Variants in STAB2 observed in about 807,000 individuals in gnomAD.
STAB2 encodes the protein stabilin-2.
A neutral mutation model predicts 338.1 loss-of-function variants in STAB2; 288 were observed. That is an observed-to-expected ratio of 0.85 (90% CI 0.77 to 0.94). STAB2 has a LOEUF of 0.94. Ranked by LOEUF, STAB2 falls within the 40% of genes least tolerant of loss-of-function variation. The probability of loss-of-function intolerance (pLI) is 0.00; values close to 1 mark genes in which losing one functional copy is unlikely to be tolerated. For synonymous variants in STAB2, 1,202 were observed against 1,193.3 expected (o/e 1.01, Z -0.15); for missense variants, 3,141 against 3,210.1 (o/e 0.98, Z 0.52).
At chr12:103,669,709 C>T in intron 21 of STAB2, 82 bp downstream of exon 21, 1 of 1,231,394 alleles carries the variant, frequency 8.1e-7, no homozygotes, top group Non-Finnish European at 1.2e-6. Context: ...GATATAATGC[C>T]AGCTACTCTT....
intron 24 of STAB2, 77 bp from the exon 25 acceptor site, chr12:103,677,376 G>A (rs932110448): frequency 3.0e-4 from 444 of 1,494,690 alleles, no homozygotes; most frequent in Non-Finnish European, 3.7e-4. Flanking sequence ...CATATGTCTG[G>A]AAATTCTCTC....
chr12:103,598,731 C>A (rs1289252932), intron 3 of STAB2, among the ~76,000 whole-genome samples: 1 of 152,116 alleles, frequency 6.6e-6, no homozygotes, highest in Admixed American at 6.6e-5. Flanking sequence ...ATTCCTCATA[C>A]CCCCACATTC....
intron 44 of STAB2, among the ~76,000 whole-genome samples, chr12:103,718,710 G>A (rs547354256): frequency 6.6e-6 from 1 of 152,322 alleles, no homozygotes; most frequent in South Asian, 2.1e-4. Context: ...GTTTTGAGAA[G>A]TAATGAGCTT....
At chr12:103,688,087 G>A in intron 27 of STAB2, 81 bp from the exon 28 acceptor site, 2 of 1,381,560 alleles carry the variant, frequency 1.4e-6, no homozygotes, top group South Asian at 1.2e-5. Flanking sequence ...ACCCAGAGAT[G>A]CACTGTGATT....
intron 60 of STAB2, 106 bp from the exon 61 acceptor site, chr12:103,753,114 C>G (rs576636163): frequency 6.9e-7 from 1 of 1,439,738 alleles, no homozygotes; most frequent in Non-Finnish European, 9.4e-7. Flanking sequence ...TGGAGACACC[C>G]TGGGGTATAG....
At chr12:103,705,574 G>C (rs916457522) in intron 36 of STAB2, 58 bp from the exon 37 acceptor site, 1 of 1,501,002 alleles carries the variant, frequency 6.7e-7, no homozygotes, top group Admixed American at 1.7e-5. Flanking sequence ...ACTTGCTTTC[G>C]GAGACTGGAA....
intron 52 of STAB2, 86 bp downstream of exon 52, chr12:103,735,666 G>T: frequency 2.6e-6 from 3 of 1,137,124 alleles, no homozygotes; most frequent in East Asian, 2.8e-5. Flanking sequence ...TCAAGGAGAT[G>T]TTCATTTTTT....
intron 42 of STAB2, 68 bp from the exon 43 acceptor site, chr12:103,715,747 C>T: frequency 3.2e-6 from 5 of 1,575,864 alleles, no homozygotes; most frequent in African/African-American, 1.3e-5. Flanking sequence ...TTAGCTCATC[C>T]CTCAAGCTGG....
intron 33 of STAB2, among the ~76,000 whole-genome samples, chr12:103,697,065 C>T (rs1878470913): frequency 6.6e-6 from 1 of 152,166 alleles, no homozygotes; most frequent in Non-Finnish European, 1.5e-5. Context: ...TGCTCTTCTT[C>T]CTCACCACCT....
chr12:103,723,137 G>GT lies in STAB2; in HGVS notation c.4684-1838_4684-1837insT, dbSNP rs146554003. ...ACAAGTGGGGCTCATCAACTAAGATGAGAGGACAGTAATTGAGAGTTGAGA... is the reference window on the plus strand; with the variant it reads ...ACAAGTGGGGCTCATCAACTAAGATGTAGAGGACAGTAATTGAGAGTTGAGA... On this transcript the variant is annotated intron_variant, in intron 44 of 68. Coordinates refer to ENST00000388887, the MANE Select transcript of STAB2 (RefSeq NM_017564.10). 3.8e-3 allele frequency among the ~76,000 whole-genome samples: 576 copies of GT among 152,316 alleles called. 3 individuals are homozygous for GT. Among genetic ancestry groups the GT allele is most frequent in the African/African-American group, 0.014 (562 of 41,574 alleles).
At chr12:103,762,828 T>C (rs1426164263) in intron 67 of STAB2, among the ~76,000 whole-genome samples, 1 of 152,270 alleles carries the variant, frequency 6.6e-6, no homozygotes, top group South Asian at 2.1e-4. Flanking sequence ...AGAGGCTTTA[T>C]GCTGCAGCCA....
chr12:103,664,379 C>T (rs916978408), intron 18 of STAB2, among the ~76,000 whole-genome samples: 2 of 152,104 alleles, frequency 1.3e-5, no homozygotes, highest in Admixed American at 6.6e-5. Context: ...CTCCTGACCT[C>T]GTGATCTGCC....
intron 44 of STAB2, among the ~76,000 whole-genome samples, chr12:103,719,446 C>T (rs560782795): frequency 6.6e-6 from 1 of 152,344 alleles, no homozygotes; most frequent in Admixed American, 6.5e-5. Flanking sequence ...TATTTTCTCA[C>T]AGTTCTAGAG....
chr12:103,746,836 T>C (rs1230025173), intron 58 of STAB2, 132 bp downstream of exon 58: 1 of 797,080 alleles, frequency 1.3e-6, no homozygotes, highest in Non-Finnish European at 2.1e-6. Context: ...ACCCTCTCTA[T>C]GACTCAGTTT....
chr12:103,665,671 C>A (rs996750925), intron 18 of STAB2, among the ~76,000 whole-genome samples: 2 of 152,072 alleles, frequency 1.3e-5, no homozygotes, highest in Non-Finnish European at 2.9e-5. Flanking sequence ...AGTGACTGGA[C>A]GTTGGCCAAC....
chr12:103,648,934 G>A (rs1873534285), intron 10 of STAB2, 111 bp downstream of exon 10: 1 of 1,467,092 alleles, frequency 6.8e-7, no homozygotes. Context: ...ATTAGAATCA[G>A]CCTTTTTGGA....
intron 3 of STAB2, among the ~76,000 whole-genome samples, chr12:103,597,950 A>C (rs1277032264): frequency 6.6e-6 from 1 of 152,190 alleles, no homozygotes; most frequent in Non-Finnish European, 1.5e-5. Flanking sequence ...ATGTCATCAA[A>C]TTATCTAAAT....
chr12:103,691,157 G>C (rs1360180335), intron 30 of STAB2, among the ~76,000 whole-genome samples: 1 of 152,320 alleles, frequency 6.6e-6, no homozygotes, highest in Non-Finnish European at 1.5e-5. Flanking sequence ...TTCTGTGAGG[G>C]AGTCTGGCCG....
intron 4 of STAB2, among the ~76,000 whole-genome samples, chr12:103,621,077 A>G (rs535737201): frequency 6.6e-6 from 1 of 152,246 alleles, no homozygotes; most frequent in Admixed American, 6.5e-5. Context: ...AGTCTGGGTG[A>G]CAAGAGCAAG....
Sources: allele counts gnomAD v4.1 joint callset (sites outside exome capture counted in the v4.1 genomes callset), GRCh38; gene constraint gnomAD v4.1.1; transcripts MANE v1.5; gene names NCBI Gene and HGNC (gene_info 2026-07-23, HGNC 2026-07-21).